SORBS2: variants seen among roughly 807,000 people sequenced by gnomAD.
The protein encoded by SORBS2 is sorbin and SH3 domain containing 2, also known as sorbin and SH3 domain-containing protein 2.
In SORBS2, 46 loss-of-function variants were observed where a neutral mutation model predicts 97.7. The ratio of observed to expected loss-of-function variants is 0.47; its 90% CI spans 0.37 to 0.60. The LOEUF is 0.60. Among genes scored for constraint, SORBS2 ranks in the 20% least tolerant of loss-of-function variants. The pLI, the probability that SORBS2 is intolerant of heterozygous loss-of-function variation, is 0.00. For synonymous variants in SORBS2, 476 were observed against 473.4 expected, an observed-to-expected ratio of 1.01 and a Z score of -0.07; for missense variants, 1,316 against 1,282.3, an observed-to-expected ratio of 1.03 and a Z score of -0.40.
intron 1 of SORBS2, among the ~76,000 whole-genome samples, chr4:185,909,046 G>T (rs1038971920): frequency 2.6e-5 from 4 of 151,928 alleles, no homozygotes; most frequent in African/African-American, 9.7e-5. Context: ...CCCACCACTG[G>T]GTTTCTACCC....
Position 185,741,746 on chromosome 4 carries a change from T to C in SORBS2, c.-198+33481A>G, listed in dbSNP as rs141607492. Reference sequence around the variant, plus strand: ...AGGGTCTACATAAAATAAATTAAAATACATTTAAAAAAAAATTACCTGCTT... The same window carrying C: ...AGGGTCTACATAAAATAAATTAAAACACATTTAAAAAAAAATTACCTGCTT... On this transcript the variant is annotated intron_variant, in intron 2 of 20. Transcript: ENST00000284776. Among the ~76,000 whole-genome samples, 323 of 152,204 alleles carry C rather than the reference T, an allele frequency of 2.1e-3. 1 individual carries two copies. Among genetic ancestry groups the C allele is most frequent in the African/African-American group, 7.1e-3 (295 of 41,530 alleles).
chr4:185,615,647 A>G (rs1376525673), intron 9 of SORBS2, among the ~76,000 whole-genome samples: 2 of 152,162 alleles, frequency 1.3e-5, no homozygotes, highest in African/African-American at 4.8e-5. Context: ...ACACCAGAAC[A>G]AATTTTATTT....
chr4:185,907,301 G>A (rs991772962), intron 1 of SORBS2, among the ~76,000 whole-genome samples: 2 of 152,078 alleles, frequency 1.3e-5, no homozygotes, highest in Admixed American at 6.6e-5. Flanking sequence ...AAATGTTTTC[G>A]CTGGGTTACC....
chr4:185,817,777 G>A (rs925535243), intron 1 of SORBS2, among the ~76,000 whole-genome samples: 6 of 152,206 alleles, frequency 3.9e-5, no homozygotes, highest in South Asian at 4.1e-4. Flanking sequence ...GGCAGCTTCC[G>A]TAAACTCTGA....
intron 2 of SORBS2, among the ~76,000 whole-genome samples, chr4:185,682,822 C>A (rs2097891370): frequency 6.6e-6 from 1 of 151,754 alleles, no homozygotes; most frequent in Admixed American, 6.6e-5. Flanking sequence ...ACCAGCCTGG[C>A]CAACATGGTG....
intron 4 of SORBS2, among the ~76,000 whole-genome samples, chr4:185,668,335 C>T (rs1042914033): frequency 3.9e-5 from 6 of 152,216 alleles, no homozygotes; most frequent in African/African-American, 1.2e-4. Context: ...AATTATTCCA[C>T]CTTTCGAATT....
intron 1 of SORBS2, among the ~76,000 whole-genome samples, chr4:185,860,292 A>G (rs1030760803): frequency 1.1e-4 from 17 of 152,262 alleles, no homozygotes; most frequent in African/African-American, 3.9e-4. Flanking sequence ...ATTCCAGAGC[A>G]GAGGATGATG....
chr4:185,674,215 A>G (rs986301732), intron 4 of SORBS2, among the ~76,000 whole-genome samples: 3 of 152,158 alleles, frequency 2.0e-5, no homozygotes, highest in Non-Finnish European at 4.4e-5. Context: ...TCCCAAATGG[A>G]ACCTCTGAAG....
chr4:185,638,325 G>A (rs991955680), intron 4 of SORBS2, among the ~76,000 whole-genome samples, 163 bp from the exon 15 acceptor site: 2 of 152,216 alleles, frequency 1.3e-5, no homozygotes, highest in African/African-American at 4.8e-5. Context: ...AAAGTAAAAC[G>A]AGTAGCATGA....
chr4:185,626,570 C>T (rs2096819172), intron 6 of SORBS2, among the ~76,000 whole-genome samples: 1 of 152,154 alleles, frequency 6.6e-6, no homozygotes, highest in African/African-American at 2.4e-5. Context: ...TTATTTGATA[C>T]TTTCAATTTG....
intron 2 of SORBS2, among the ~76,000 whole-genome samples, chr4:185,726,684 ATTGC>A (rs1392346894): frequency 6.6e-6 from 1 of 151,654 alleles, no homozygotes; most frequent in African/African-American, 2.4e-5. Flanking sequence ...GAACCAGAAT[ATTGC>A]TTGCTTATTT....
At chr4:185,630,722 A>T (rs1488020425) in intron 4 of SORBS2, 124 bp from the exon 17 acceptor site, 4 of 628,576 alleles carry the variant, frequency 6.4e-6, no homozygotes, top group Admixed American at 3.1e-5. Flanking sequence ...AGTACCATTC[A>T]TTATGACTAT....
At chr4:185,770,476 G>C (rs62334855) in intron 2 of SORBS2, among the ~76,000 whole-genome samples, 1 of 151,904 alleles carries the variant, frequency 6.6e-6, no homozygotes, top group Non-Finnish European at 1.5e-5. Context: ...TTTGGATTTC[G>C]GACTTTTAGA....
At chr4:185,608,525 A>G (rs1451906684) in intron 12 of SORBS2, among the ~76,000 whole-genome samples, 1 of 152,204 alleles carries the variant, frequency 6.6e-6, no homozygotes, top group Non-Finnish European at 1.5e-5. Flanking sequence ...TTACTTCTAC[A>G]TACGTAGTAT....
intron 12 of SORBS2, among the ~76,000 whole-genome samples, chr4:185,597,138 T>C (rs2153371301): frequency 6.6e-6 from 1 of 152,340 alleles, no homozygotes; most frequent in Non-Finnish European, 1.5e-5. Context: ...GGCATTTGAC[T>C]AGTAGGGAAT....
chr4:185,603,217 A>C lies in SORBS2; in HGVS notation c.2796+8563T>G, dbSNP rs571981999. ...AGATTCTAAGGCTACTTTCCCTCTT[A>C]TTGACTAAGCTTAAAAACCGAAGAA... On this transcript the variant is annotated intron_variant, in intron 12 of 14. Transcript: ENST00000418609. Among the ~76,000 whole-genome samples, 7 of 152,244 alleles carry C rather than the reference A, an allele frequency of 4.6e-5. No homozygotes were observed. In the South Asian group the frequency reaches 1.4e-3, roughly 32 times the overall value.
intron 1 of SORBS2, among the ~76,000 whole-genome samples, chr4:185,908,593 G>A (rs779627476): frequency 3.3e-5 from 5 of 151,710 alleles, no homozygotes; most frequent in Non-Finnish European, 4.4e-5. Context: ...CAAAGGGATC[G>A]CCGAGTAATG....
intron 1 of SORBS2, among the ~76,000 whole-genome samples, chr4:185,861,599 A>AT (rs57354475): frequency 0.069 from 10,050 of 146,046 alleles, 386 homozygotes; most frequent in East Asian, 0.14. Context: ...TCTGACTTCT[A>AT]TTTTTTTTTT....
chr4:185,632,484 T>C (rs1051051436), intron 4 of SORBS2, among the ~76,000 whole-genome samples: 1 of 152,202 alleles, frequency 6.6e-6, no homozygotes, highest in Non-Finnish European at 1.5e-5. Context: ...GAAAAATAGA[T>C]ACTAAATATG....
Sources: gnomAD v4.1 joint callset for allele counts (sites outside exome capture counted in the v4.1 genomes callset) on GRCh38, gnomAD v4.1.1 for gene constraint, MANE v1.5 for transcripts, NCBI Gene and HGNC (gene_info 2026-07-23, HGNC 2026-07-21) for gene names.